The following CNTN5 variants were observed in gnomAD, a reference collection of about 807,000 sequenced individuals.
CNTN5 encodes contactin-5.
A neutral mutation model predicts 129.1 loss-of-function variants in CNTN5; 77 were observed. The ratio of observed to expected loss-of-function variants is 0.60; its 90% confidence interval spans 0.50 to 0.72. The LOEUF is 0.72. Among genes scored for constraint, CNTN5 ranks in the 30% least tolerant of loss-of-function variants. The probability of loss-of-function intolerance (pLI) is 0.00; values close to 1 mark genes in which losing one functional copy is unlikely to be tolerated. For synonymous variants in CNTN5, 509 were observed against 465.6 expected, an observed-to-expected ratio of 1.09 and a Z score of -1.20; for missense variants, 1,478 against 1,328.8, an observed-to-expected ratio of 1.11 and a Z score of -1.75.
intron 9 of CNTN5, among the ~76,000 whole-genome samples, chr11:100,002,403 A>C (rs535429881): frequency 3.9e-5 from 6 of 152,248 alleles, no homozygotes; most frequent in African/African-American, 1.4e-4. Flanking sequence ...ATCTTTACCT[A>C]TGTATCTTAA....
chr11:99,033,375 C>T (rs1206322244), intron 1 of CNTN5, among the ~76,000 whole-genome samples: 10 of 152,186 alleles, frequency 6.6e-5, no homozygotes, highest in East Asian at 5.8e-4. Flanking sequence ...GCCATTTTCA[C>T]GATATTGATT....
chr11:99,757,139 A>G (rs542882492), intron 3 of CNTN5, among the ~76,000 whole-genome samples: 2 of 152,148 alleles, frequency 1.3e-5, no homozygotes, highest in East Asian at 3.9e-4. Context: ...AATGTGATCC[A>G]TTCGTTTCTC....
At chr11:99,573,982 T>C (rs2135585734) in intron 3 of CNTN5, among the ~76,000 whole-genome samples, 1 of 152,294 alleles carries the variant, frequency 6.6e-6, no homozygotes, top group East Asian at 1.9e-4. Context: ...AGTATACACA[T>C]GCCATGGTGG....
At chr11:99,449,117 G>C (rs973331815) in intron 2 of CNTN5, among the ~76,000 whole-genome samples, 1 of 151,984 alleles carries the variant, frequency 6.6e-6, no homozygotes, top group African/African-American at 2.4e-5. Flanking sequence ...CAACTACCTA[G>C]CATGAGCTTA....
chr11:99,406,406 TC>T (rs1942068553), intron 2 of CNTN5, among the ~76,000 whole-genome samples: 4 of 129,572 alleles, frequency 3.1e-5, no homozygotes, highest in Non-Finnish European at 4.8e-5. Flanking sequence ...AGAGTCTCTC[TC>T]TCTCTCTCTC....
chr11:99,804,558 G>T (rs1946212419), intron 3 of CNTN5, among the ~76,000 whole-genome samples: 1 of 147,914 alleles, frequency 6.8e-6, no homozygotes, highest in South Asian at 2.2e-4. Context: ...AGTAAAGTAT[G>T]ATATTACATT....
At chr11:99,444,778 C>T (rs527316614) in intron 2 of CNTN5, among the ~76,000 whole-genome samples, 1 of 151,416 alleles carries the variant, frequency 6.6e-6, no homozygotes, top group Admixed American at 6.6e-5. Flanking sequence ...GCCTAACTAG[C>T]TAATCTTTAT....
intron 6 of CNTN5, among the ~76,000 whole-genome samples, chr11:99,859,201 T>G (rs1225187195): frequency 1.3e-5 from 2 of 152,292 alleles, no homozygotes; most frequent in Non-Finnish European, 2.9e-5. Flanking sequence ...ATTCTCACAA[T>G]CTCTAATTTT....
At chr11:99,043,593 T>C (rs1864093862) in intron 1 of CNTN5, among the ~76,000 whole-genome samples, 1 of 152,236 alleles carries the variant, frequency 6.6e-6, no homozygotes, top group African/African-American at 2.4e-5. Flanking sequence ...AAGTGGCTTA[T>C]GTGTTAGCAT....
chr11:99,451,063 A>G (rs1308573039), intron 2 of CNTN5, among the ~76,000 whole-genome samples: 1 of 152,090 alleles, frequency 6.6e-6, no homozygotes, highest in East Asian at 1.9e-4. Context: ...TTTCATACCT[A>G]ATCAAAGTAG....
chr11:99,448,794 TTGAGACAGGGTC>T (rs1944182019), intron 2 of CNTN5, among the ~76,000 whole-genome samples: 2 of 148,568 alleles, frequency 1.3e-5, no homozygotes, highest in Non-Finnish European at 3.0e-5. Context: ...TATTTTATTT[TTGAGACAGGGTC>T]ATCTTTTGTT....
At chr11:100,019,058 T>C (rs553196216) in intron 9 of CNTN5, among the ~76,000 whole-genome samples, 3 of 152,048 alleles carry the variant, frequency 2.0e-5, no homozygotes, top group South Asian at 4.1e-4. Flanking sequence ...TCCTTTATCA[T>C]ATATGTGATT....
chr11:99,432,464 C>CTTTCCTTTT lies in CNTN5; in HGVS notation c.-71+106980_-71+106981insTTTCCTTTT, dbSNP rs1555143589. ...CCTTTTCTTTTCTTTTCTTTTCTTT[C>CTTTCCTTTT]CTTTTCTTTTCTTTTCTTTTCTTTT... On this transcript the variant is annotated intron_variant, in intron 2 of 24. Coordinates refer to ENST00000524871, the MANE Select transcript of CNTN5 (RefSeq NM_014361.4). 4.9e-3 allele frequency among the ~76,000 whole-genome samples: 569 copies of CTTTCCTTTT among 116,386 alleles called. 3 individuals are homozygous for CTTTCCTTTT. Among genetic ancestry groups the CTTTCCTTTT allele is most frequent in the African/African-American group, 0.017 (520 of 31,248 alleles). The allele number at this position is 116,386 out of a possible 152,430, so 76.4% of individuals were successfully genotyped here.
chr11:99,037,311 C>T (rs1863784705), intron 1 of CNTN5, among the ~76,000 whole-genome samples: 2 of 152,126 alleles, frequency 1.3e-5, no homozygotes, highest in Non-Finnish European at 2.9e-5. Context: ...CTTGTCATGT[C>T]ATTTCTTTGC....
intron 3 of CNTN5, among the ~76,000 whole-genome samples, chr11:99,676,355 A>T (rs1953283070): frequency 6.6e-6 from 1 of 152,242 alleles, no homozygotes; most frequent in East Asian, 1.9e-4. Context: ...GGAGCAATAG[A>T]GAAGGTAAAA....
rs78598473 is a variant in CNTN5, at chr11:99,914,494, C to T, written c.578-1560C>T. ...CATATGAAATTCAAAAAGAGACAAG[C>T]ATAATATTTGGTAATAGAAATCAGA... is the stretch of plus-strand genomic sequence containing the variant. On this transcript the variant is annotated intron_variant, in intron 6 of 24. Coordinates refer to ENST00000524871, the MANE Select transcript of CNTN5 (RefSeq NM_014361.4). Among the ~76,000 whole-genome samples, 1,080 of 152,096 alleles carry T rather than the reference C, an allele frequency of 7.1e-3. 15 individuals carry two copies. The highest frequency in any genetic ancestry group is 0.024 in the African/African-American group (1,015 of 41,486).
chr11:99,252,683 C>T (rs1326717847), intron 1 of CNTN5, among the ~76,000 whole-genome samples: 1 of 151,858 alleles, frequency 6.6e-6, no homozygotes, highest in East Asian at 1.9e-4. Flanking sequence ...GTTTAATTCG[C>T]TAGTTACTAA....
chr11:99,676,924 T>G (rs1953312302), intron 3 of CNTN5, among the ~76,000 whole-genome samples: 1 of 152,178 alleles, frequency 6.6e-6, no homozygotes, highest in Non-Finnish European at 1.5e-5. Context: ...AGCTTTCCCC[T>G]AACATGCAAG....
chr11:99,041,596 A>G (rs1004432086), intron 1 of CNTN5, among the ~76,000 whole-genome samples: 1 of 152,200 alleles, frequency 6.6e-6, no homozygotes, highest in African/African-American at 2.4e-5. Flanking sequence ...CTTTTATCTC[A>G]AATTGATTGC....
Sources: gnomAD v4.1 joint callset for allele counts (sites outside exome capture counted in the v4.1 genomes callset) on GRCh38, gnomAD v4.1.1 for gene constraint, MANE v1.5 for transcripts, NCBI Gene and HGNC (gene_info 2026-07-23, HGNC 2026-07-21) for gene names.